PDE5A: variants seen among roughly 807,000 people sequenced by gnomAD.
PDE5A encodes the protein cGMP-specific 3',5'-cyclic phosphodiesterase.
Under a neutral mutation model 110.2 loss-of-function variants are expected in PDE5A, and 67 were observed. The ratio of observed to expected loss-of-function variants is 0.61; its 90% CI spans 0.50 to 0.75. The LOEUF is 0.75. PDE5A is among the 30% of genes least tolerant of loss of function. The pLI is 0.00. For synonymous variants in PDE5A, 328 were observed against 351.2 expected (o/e 0.93, Z 0.74); for missense variants, 862 against 1,045.1 (o/e 0.82, Z 2.42).
chr4:119,576,483 C>T, intron 3 of PDE5A, among the ~76,000 whole-genome samples: 1 of 152,214 alleles, frequency 6.6e-6, no homozygotes, highest in East Asian at 1.9e-4. Context: ...TTATAACAAA[C>T]TGTCTCTCAG....
At chr4:119,503,318 C>T (rs1482311420) in intron 18 of PDE5A, among the ~76,000 whole-genome samples, 1 of 152,152 alleles carries the variant, frequency 6.6e-6, no homozygotes, top group Non-Finnish European at 1.5e-5. Flanking sequence ...ACTGCATGGA[C>T]ATCCATCACT....
In PDE5A at chr4:119,542,576, G is replaced by T. The variant is rs1172026377; in HGVS notation, c.1455C>A (p.Asn485Lys). Residue 485 changes from asparagine (N) to lysine (K), a missense_variant, in exon 10 of 21, where the codon AAC becomes AAA. Asn to Lys is a moderately conservative substitution (Grantham distance 94, BLOSUM62 0). Transcript: ENST00000354960. ...EENTGKVKPF[N>K]RNDEQFLEAF... ...CTTCCAGAAACTGTTCGTCATTTCG[G>T]TTGAAAGGCTTAACCTTGCCAGTAT... The T allele has an allele frequency of 3.1e-6, 5 of 1,613,818 alleles. No homozygotes were observed. The African/African-American group carries it at 5.3e-5, about 17-fold the overall frequency.
At chr4:119,500,536 T>C (rs1362483982) in intron 20 of PDE5A, among the ~76,000 whole-genome samples, 1 of 152,140 alleles carries the variant, frequency 6.6e-6, no homozygotes, top group Non-Finnish European at 1.5e-5. Flanking sequence ...CTATGATAAC[T>C]CCATGACAAA....
chr4:119,596,885 T>C (rs980434011), intron 2 of PDE5A, among the ~76,000 whole-genome samples: 16 of 152,206 alleles, frequency 1.1e-4, no homozygotes, highest in African/African-American at 1.9e-4. Flanking sequence ...ATTCAAAATA[T>C]TAACCACTTT....
chr4:119,562,831 A>G lies in PDE5A; in HGVS notation c.1131+2T>C. ...AATAAAAAAGTCATACTCTGTACTCACGGAGCAATCTTCATCCACTATGAA... is the reference window on the plus strand; with the variant it reads ...AATAAAAAAGTCATACTCTGTACTCGCGGAGCAATCTTCATCCACTATGAA... On this transcript the variant is annotated splice_donor_variant, in intron 6 of 20. Transcript: ENST00000354960. LOFTEE classifies it high-confidence loss of function. 6.4e-7 allele frequency: 1 copy of G among 1,564,410 alleles called. No individual in the cohort carries two copies. Among genetic ancestry groups the G allele is most frequent in the Non-Finnish European group, 8.6e-7 (1 of 1,161,656 alleles).
intron 9 of PDE5A, among the ~76,000 whole-genome samples, chr4:119,551,244 C>T (rs1049639956): frequency 5.3e-5 from 8 of 152,272 alleles, no homozygotes; most frequent in African/African-American, 1.9e-4. Flanking sequence ...AGTATAAGCA[C>T]CTGCAGCTCC....
At chr4:119,562,019 A>G (rs1454568499) in intron 6 of PDE5A, among the ~76,000 whole-genome samples, 2 of 152,246 alleles carry the variant, frequency 1.3e-5, no homozygotes, top group African/African-American at 2.4e-5. Context: ...TCTCTTTCCT[A>G]TTAATCCACA....
intron 15 of PDE5A, among the ~76,000 whole-genome samples, chr4:119,509,772 T>C (rs1725677840): frequency 6.6e-6 from 1 of 151,976 alleles, no homozygotes; most frequent in Non-Finnish European, 1.5e-5. Flanking sequence ...GCTATATAAC[T>C]CTTAATTCCT....
intron 3 of PDE5A, among the ~76,000 whole-genome samples, chr4:119,587,477 G>A (rs1343276029): frequency 4.6e-5 from 7 of 151,120 alleles, no homozygotes; most frequent in Admixed American, 1.3e-4. Context: ...TCCGCTTCCC[G>A]GGTTCACGCC....
chr4:119,506,573 T>C (rs1725561078), intron 16 of PDE5A, among the ~76,000 whole-genome samples: 1 of 151,764 alleles, frequency 6.6e-6, no homozygotes, highest in African/African-American at 2.4e-5. Flanking sequence ...ACTGATAGTA[T>C]ATGGTTATAA....
intron 10 of PDE5A, 121 bp from the exon 11 acceptor site, chr4:119,539,140 C>T (rs1726830775): frequency 1.3e-6 from 1 of 757,110 alleles, no homozygotes; most frequent in Admixed American, 2.1e-5. Flanking sequence ...CTCAGAATGC[C>T]AAATCTTGTT....
chr4:119,583,622 TA>T (rs1486807448), intron 3 of PDE5A, among the ~76,000 whole-genome samples: 1 of 152,194 alleles, frequency 6.6e-6, no homozygotes, highest in Non-Finnish European at 1.5e-5. Flanking sequence ...GCTTTTGATT[TA>T]AAGTGAACAC....
At chr4:119,538,298 T>C in intron 11 of PDE5A, among the ~76,000 whole-genome samples, 1 of 152,144 alleles carries the variant, frequency 6.6e-6, no homozygotes, top group East Asian at 1.9e-4. Context: ...CTTTTCTCAT[T>C]CCTTACATAA....
intron 1 of PDE5A, among the ~76,000 whole-genome samples, chr4:119,612,684 C>G (rs1169509411): frequency 6.6e-6 from 1 of 152,212 alleles, no homozygotes; most frequent in Non-Finnish European, 1.5e-5. Context: ...TTTTGCCCTC[C>G]TGTGAGGACA....
chr4:119,588,805 A>G (rs900630988), intron 3 of PDE5A, among the ~76,000 whole-genome samples: 4 of 152,158 alleles, frequency 2.6e-5, no homozygotes, highest in Non-Finnish European at 5.9e-5. Flanking sequence ...GAATCTTTTT[A>G]GTTTTTAAAA....
At chr4:119,518,928 A>G (rs1726012151) in intron 14 of PDE5A, 117 bp downstream of exon 14, 4 of 633,672 alleles carry the variant, frequency 6.3e-6, no homozygotes, top group Non-Finnish European at 1.1e-5. Flanking sequence ...TCCTTTAAAT[A>G]TAACCAGAGT....
rs752536773 is a variant in PDE5A at position 119,498,740 on chromosome 4, T to TA, written c.2491-3dup. The TA allele has an allele frequency of 6.2e-7, 1 of 1,613,542 alleles. No homozygotes were observed. The highest frequency in any genetic ancestry group is 8.5e-7 in the Non-Finnish European group (1 of 1,179,756). On this transcript the variant is annotated splice_region_variant and splice_polypyrimidine_tract_variant and intron_variant, in intron 20 of 20. Coordinates refer to ENST00000354960, the MANE Select transcript of PDE5A (RefSeq NM_001083.4). ...GTCCTCTGACACGTGGGTCAGGGCCTAAAGAGAAAAAAGAAAGCAAACAGC... is the reference window on the plus strand; with the variant it reads ...GTCCTCTGACACGTGGGTCAGGGCCTAAAAGAGAAAAAAGAAAGCAAACAGC...
intron 9 of PDE5A, among the ~76,000 whole-genome samples, chr4:119,547,256 A>G (rs1727164887): frequency 6.6e-6 from 1 of 151,836 alleles, no homozygotes; most frequent in Non-Finnish European, 1.5e-5. Flanking sequence ...CTACACTGTA[A>G]TATCAAGTAT....
At chr4:119,502,033 G>C (rs921353679) in intron 19 of PDE5A, among the ~76,000 whole-genome samples, 5 of 152,120 alleles carry the variant, frequency 3.3e-5, no homozygotes, top group Admixed American at 2.6e-4. Flanking sequence ...AGAATGCTGA[G>C]AAAACTGGGG....
Sources: gnomAD v4.1 joint callset for allele counts (sites outside exome capture counted in the v4.1 genomes callset) on GRCh38, gnomAD v4.1.1 for gene constraint, MANE v1.5 for transcripts, NCBI Gene and HGNC (gene_info 2026-07-23, HGNC 2026-07-21) for gene names.